CNST: variants seen among roughly 807,000 people sequenced by gnomAD.
The protein encoded by CNST is consortin.
A neutral mutation model predicts 72.4 loss-of-function variants in CNST; 39 were observed. That is an observed-to-expected ratio of 0.54 (90% CI 0.42 to 0.70). CNST has a LOEUF of 0.70. Ranked by LOEUF, CNST falls within the 30% of genes least tolerant of loss-of-function variation. The pLI is 0.00. For missense variants in CNST, 871 were observed against 868.5 expected (o/e 1.00, Z -0.04); for synonymous variants, 332 against 320.1 (o/e 1.04, Z -0.40).
chr1:246,570,131 A>G (rs1572102370), intron 1 of CNST: 1 of 153,776 alleles, frequency 6.5e-6, no homozygotes, highest in South Asian at 2.1e-4. Flanking sequence ...GAGTAAAGTA[A>G]AAGATTAACT....
intron 2 of CNST, among the ~76,000 whole-genome samples, chr1:246,614,942 A>T (rs561415361): frequency 9.2e-5 from 14 of 152,186 alleles, no homozygotes; most frequent in Admixed American, 2.0e-4. Context: ...CTAGACTATT[A>T]AAAGGAACGT....
At chr1:246,634,446 A>T (rs1235803141) in intron 5 of CNST, 27 bp from the exon 6 acceptor site, 1 of 1,350,336 alleles carries the variant, frequency 7.4e-7, no homozygotes, top group South Asian at 1.3e-5. Flanking sequence ...TATAAGAGCC[A>T]GTGACTAACA....
At chr1:246,581,371 C>T (rs1660772595) in intron 1 of CNST, among the ~76,000 whole-genome samples, 2 of 152,154 alleles carry the variant, frequency 1.3e-5, no homozygotes, top group Admixed American at 6.5e-5. Flanking sequence ...TCAAGCAATT[C>T]TCCTGCCTCA....
chr1:246,596,148 G>A (rs1572145294), intron 2 of CNST, among the ~76,000 whole-genome samples: 1 of 152,248 alleles, frequency 6.6e-6, no homozygotes, highest in Admixed American at 6.5e-5. Flanking sequence ...GGGTGCACTG[G>A]CTCATGCCTA....
At chr1:246,611,490 A>G (rs1000381599) in intron 2 of CNST, among the ~76,000 whole-genome samples, 2 of 152,210 alleles carry the variant, frequency 1.3e-5, no homozygotes, top group Non-Finnish European at 2.9e-5. Flanking sequence ...CTGCTCTGAA[A>G]GAGTACTACT....
intron 1 of CNST, among the ~76,000 whole-genome samples, chr1:246,578,603 G>A (rs1358064576): frequency 4.6e-5 from 7 of 151,954 alleles, no homozygotes; most frequent in Non-Finnish European, 8.8e-5. Context: ...CCCGGGAGGC[G>A]GAGGTTGCAG....
intron 1 of CNST, among the ~76,000 whole-genome samples, chr1:246,568,318 G>C (rs1261220263): frequency 1.3e-5 from 2 of 152,064 alleles, no homozygotes; most frequent in Non-Finnish European, 2.9e-5. Context: ...TTTTCTCTTG[G>C]TTTTGGGAAA....
intron 1 of CNST, among the ~76,000 whole-genome samples, chr1:246,575,631 C>G (rs552477473): frequency 1.3e-5 from 2 of 151,786 alleles, no homozygotes; most frequent in Non-Finnish European, 2.9e-5. Context: ...GGGATCTTTT[C>G]GGGGTGATAA....
chr1:246,604,367 G>A (rs998883759), intron 2 of CNST, among the ~76,000 whole-genome samples: 7 of 152,160 alleles, frequency 4.6e-5, no homozygotes, highest in African/African-American at 1.7e-4. Flanking sequence ...GGAAATTGAT[G>A]TAACAATTTT....
chr1:246,637,021 A>G (rs1018376526), intron 6 of CNST, among the ~76,000 whole-genome samples: 4 of 152,220 alleles, frequency 2.6e-5, no homozygotes, highest in Non-Finnish European at 4.4e-5. Context: ...GAGGCACAGC[A>G]TCGGATTGGG....
At chr1:246,646,533 T>C (rs1235053102) in intron 8 of CNST, among the ~76,000 whole-genome samples, 1 of 152,102 alleles carries the variant, frequency 6.6e-6, no homozygotes. Context: ...CAGGCTGGAG[T>C]GCAATGGCGT....
At chr1:246,568,118 T>C (rs1341585727) in intron 1 of CNST, among the ~76,000 whole-genome samples, 1 of 151,726 alleles carries the variant, frequency 6.6e-6, no homozygotes, top group Non-Finnish European at 1.5e-5. Context: ...CTGGGCAACA[T>C]AGACTCTGTC....
At chr1:246,603,259 AG>A (rs1294046758) in intron 2 of CNST, among the ~76,000 whole-genome samples, 1 of 152,234 alleles carries the variant, frequency 6.6e-6, no homozygotes, top group Non-Finnish European at 1.5e-5. Flanking sequence ...GACTCAGATT[AG>A]TGGAAGCTTA....
chr1:246,662,565 T>G (rs1226126880), intron 10 of CNST, among the ~76,000 whole-genome samples: 3 of 152,126 alleles, frequency 2.0e-5, no homozygotes, highest in Non-Finnish European at 2.9e-5. Flanking sequence ...ATTTTTGTAC[T>G]TTTAGTAGAG....
At chr1:246,574,972 TTTTATTTATTTATTTA>T (rs150720392) in intron 1 of CNST, among the ~76,000 whole-genome samples, 3 of 143,586 alleles carry the variant, frequency 2.1e-5, no homozygotes, top group African/African-American at 7.6e-5. Context: ...TCCTCAAGTA[TTTTATTTATTTATTTA>T]TTTATTTATT....
Position 246,647,566 on chromosome 1 carries a change from T to A in CNST, c.1365T>A (p.Ala455=). 4 of 1,614,160 alleles carry A rather than the reference T, an allele frequency of 2.5e-6. No individual in the cohort carries two copies. Among genetic ancestry groups the A allele is most frequent in the Non-Finnish European group, 3.4e-6 (4 of 1,180,030 alleles). Residue 455 remains alanine, a synonymous_variant, in exon 9 of 11, where the codon GCT becomes GCA. Transcript: ENST00000366513. The part of the protein sequence containing the change: ...ALISEGKYSQ[A]QRKELRLPLR... The stretch of plus-strand genomic sequence containing the variant: ...TTTCTGAGGGTAAATATTCACAGGC[T>A]CAGAGGAAAGAACTCCGTTTGCCAC...
intron 2 of CNST, among the ~76,000 whole-genome samples, chr1:246,598,719 T>C (rs73150013): frequency 0.046 from 6,944 of 152,236 alleles, 502 homozygotes; most frequent in African/African-American, 0.15. Context: ...TGGTGGGGAC[T>C]GTGGTGAACA....
chr1:246,574,102 T>C (rs958088044), intron 1 of CNST, among the ~76,000 whole-genome samples: 1 of 152,154 alleles, frequency 6.6e-6, no homozygotes, highest in Non-Finnish European at 1.5e-5. Flanking sequence ...TGCAGTGGCG[T>C]GATCTCAGCT....
intron 1 of CNST, among the ~76,000 whole-genome samples, chr1:246,578,843 G>A (rs1175888928): frequency 6.6e-6 from 1 of 152,110 alleles, no homozygotes; most frequent in African/African-American, 2.4e-5. Context: ...ACAGAATCTG[G>A]AGCCAGTCTG....
Sources: gnomAD v4.1 joint callset for allele counts (sites outside exome capture counted in the v4.1 genomes callset) on GRCh38, gnomAD v4.1.1 for gene constraint, MANE v1.5 for transcripts, NCBI Gene and HGNC (gene_info 2026-07-23, HGNC 2026-07-21) for gene names.